Variants in JARID2 observed in about 807,000 individuals in gnomAD.
The protein encoded by JARID2 is jumonji and AT-rich interaction domain containing 2, also known as protein Jumonji.
JARID2 carries 21 observed loss-of-function variants against 125.6 expected under a neutral mutation model. The ratio of observed to expected loss-of-function variants is 0.17; its 90% CI spans 0.12 to 0.24. JARID2 has a LOEUF of 0.24. JARID2 is among the 10% of genes least tolerant of loss of function. JARID2 has a pLI of 1.00. For synonymous variants in JARID2, 736 were observed against 661.6 expected (o/e 1.11, Z -1.73); for missense variants, 1,303 against 1,639.6 (o/e 0.79, Z 3.55).
intron 3 of JARID2, among the ~76,000 whole-genome samples, chr6:15,430,358 C>T (rs1314869270): frequency 6.6e-6 from 1 of 152,122 alleles, no homozygotes; most frequent in East Asian, 1.9e-4. Context: ...TAATTCATTT[C>T]GTTTACTATA....
chr6:15,436,420 G>A (rs999823206), intron 3 of JARID2, among the ~76,000 whole-genome samples: 4 of 152,168 alleles, frequency 2.6e-5, no homozygotes, highest in East Asian at 3.9e-4. Context: ...GTCGTCTTCC[G>A]CTGATGTGTT....
chr6:15,328,311 G>T (rs1762598637), intron 1 of JARID2, among the ~76,000 whole-genome samples: 1 of 152,090 alleles, frequency 6.6e-6, no homozygotes, highest in Admixed American at 6.5e-5. Context: ...CTATTTACTG[G>T]GCACCCGCTG....
chr6:15,495,375 A>G (rs1770364611), intron 6 of JARID2, among the ~76,000 whole-genome samples: 2 of 152,202 alleles, frequency 1.3e-5, no homozygotes, highest in Non-Finnish European at 2.9e-5. Context: ...GTGGGAAAAT[A>G]TAGGAAGCGC....
At position 15,520,661 on chromosome 6, in the gene JARID2, T is replaced by G. The variant is rs1771793182; in HGVS notation, c.*410T>G. The G allele has an allele frequency of 3.2e-6, 1 of 309,378 alleles. No individual in the cohort carries two copies. Among genetic ancestry groups the G allele is most frequent in the Non-Finnish European group, 6.8e-6 (1 of 147,950 alleles). 19.2% of individuals were successfully genotyped at this position (309,378 alleles called of 1,614,324 possible). On this transcript the variant is annotated 3_prime_UTR_variant, in exon 18 of 18. Coordinates refer to ENST00000341776, the MANE Select transcript of JARID2 (RefSeq NM_004973.4). Reference sequence around the variant, plus strand: ...AAAAACCATCAGTCATGTGAGCAGATTTTTTAGAAGGGATAGGAGACACAC... The same window carrying G: ...AAAAACCATCAGTCATGTGAGCAGAGTTTTTAGAAGGGATAGGAGACACAC...
intron 2 of JARID2, among the ~76,000 whole-genome samples, chr6:15,384,893 TCA>T (rs969656669): frequency 3.9e-5 from 6 of 152,220 alleles, no homozygotes; most frequent in African/African-American, 9.6e-5. Flanking sequence ...TGTTTGAAAC[TCA>T]CAGTACCTTT....
At chr6:15,300,562 T>C (rs1375090282) in intron 1 of JARID2, among the ~76,000 whole-genome samples, 2 of 152,154 alleles carry the variant, frequency 1.3e-5, no homozygotes, top group Non-Finnish European at 2.9e-5. Flanking sequence ...AGGAGACTAA[T>C]GACAACATTT....
chr6:15,455,482 C>G (rs1581588614), intron 4 of JARID2, among the ~76,000 whole-genome samples: 1 of 152,220 alleles, frequency 6.6e-6, no homozygotes, highest in East Asian at 1.9e-4. Flanking sequence ...TCCTATCTAA[C>G]CATAATTTGG....
intron 2 of JARID2, among the ~76,000 whole-genome samples, chr6:15,392,130 C>T (rs966534275): frequency 4.6e-5 from 7 of 151,588 alleles, no homozygotes; most frequent in African/African-American, 7.3e-5. Context: ...GTTTTAGTGC[C>T]ACTTTGTCCA....
chr6:15,368,683 C>T (rs568481332), intron 1 of JARID2: 18 of 497,342 alleles, frequency 3.6e-5, no homozygotes, highest in South Asian at 8.8e-5. Context: ...GGGTGTTTTC[C>T]GCTGTGCTCT....
At chr6:15,406,555 G>GCAATT (rs1254929965) in intron 2 of JARID2, among the ~76,000 whole-genome samples, 1 of 152,168 alleles carries the variant, frequency 6.6e-6, no homozygotes, top group African/African-American at 2.4e-5. Context: ...GGTACTCATT[G>GCAATT]CAATCCTCAG....
chr6:15,305,602 A>T (rs1188417850), intron 1 of JARID2, among the ~76,000 whole-genome samples: 1 of 152,158 alleles, frequency 6.6e-6, no homozygotes, highest in Non-Finnish European at 1.5e-5. Context: ...CTGATGTGTG[A>T]GTAAAAGCAC....
intron 1 of JARID2, among the ~76,000 whole-genome samples, chr6:15,264,644 A>T (rs201948418): frequency 0.033 from 3,720 of 112,978 alleles, 63 homozygotes; most frequent in Non-Finnish European, 0.035. Flanking sequence ...TGTGTGTGAG[A>T]GAGAGAGAGA....
At chr6:15,318,836 A>C (rs1004939376) in intron 1 of JARID2, among the ~76,000 whole-genome samples, 1 of 152,134 alleles carries the variant, frequency 6.6e-6, no homozygotes, top group African/African-American at 2.4e-5. Context: ...GGTGTGGGGT[A>C]GGCGAGAAAG....
intron 16 of JARID2, among the ~76,000 whole-genome samples, chr6:15,516,808 A>C (rs1364265883): frequency 6.6e-6 from 1 of 152,174 alleles, no homozygotes; most frequent in African/African-American, 2.4e-5. Flanking sequence ...AGAGATGAGA[A>C]ATACGCACCC....
intron 1 of JARID2, among the ~76,000 whole-genome samples, chr6:15,323,655 G>A (rs1762430005): frequency 1.3e-5 from 2 of 152,208 alleles, no homozygotes; most frequent in South Asian, 4.1e-4. Context: ...GTTGGGTGTG[G>A]TGGCTCACAC....
At chr6:15,467,378 C>T (rs1030631838) in intron 4 of JARID2, among the ~76,000 whole-genome samples, 1 of 152,116 alleles carries the variant, frequency 6.6e-6, no homozygotes, top group African/African-American at 2.4e-5. Flanking sequence ...CAAGAGAAGA[C>T]ATGAATTTTG....
intron 2 of JARID2, among the ~76,000 whole-genome samples, chr6:15,403,942 C>G (rs768076027): frequency 6.6e-5 from 10 of 152,024 alleles, no homozygotes; most frequent in African/African-American, 2.2e-4. Context: ...TTTTCTTGAC[C>G]GGAATGGGAA....
chr6:15,397,295 A>G (rs1765254201), intron 2 of JARID2, among the ~76,000 whole-genome samples: 1 of 152,222 alleles, frequency 6.6e-6, no homozygotes, highest in Admixed American at 6.5e-5. Flanking sequence ...TCCATATAAC[A>G]CAGAAATATC....
intron 12 of JARID2, among the ~76,000 whole-genome samples, chr6:15,509,561 G>T (rs2237110): frequency 0.12 from 18,705 of 152,270 alleles, 1,494 homozygotes; most frequent in African/African-American, 0.22. Context: ...TGCCTGTGGA[G>T]CGGGGACTGA....
Sources: gnomAD v4.1 joint callset for allele counts (sites outside exome capture counted in the v4.1 genomes callset) on GRCh38, gnomAD v4.1.1 for gene constraint, MANE v1.5 for transcripts, NCBI Gene and HGNC (gene_info 2026-07-23, HGNC 2026-07-21) for gene names.